The following PCDH11Y variants were observed in gnomAD, a reference collection of about 807,000 sequenced individuals.
PCDH11Y encodes protocadherin-11 Y-linked.
For missense variants in PCDH11Y, 12 were observed against 224.8 expected, an observed-to-expected ratio of 0.05 and a Z score of 6.05; for synonymous variants, 9 against 83.6, an observed-to-expected ratio of 0.11 and a Z score of 4.87.
intron 3 of PCDH11Y, among the ~76,000 whole-genome samples, chrY:5,046,224 T>G: frequency 3.0e-5 from 1 of 33,847 alleles, no homozygotes; most frequent in African/African-American, 1.1e-4. Flanking sequence ...TGTTCTGTTT[T>G]TTCCCCATCT....
At chrY:5,486,098 A>G in intron 2 of PCDH11Y, among the ~76,000 whole-genome samples, 1 of 31,774 alleles carries the variant, frequency 3.1e-5, no homozygotes, top group Admixed American at 3.0e-4. Flanking sequence ...CTCCTAACAA[A>G]TGAATATTAG....
At chrY:5,287,912 TA>T (rs377570762) in intron 2 of PCDH11Y, among the ~76,000 whole-genome samples, 21 of 22,632 alleles carry the variant, frequency 9.3e-4, no homozygotes, top group Admixed American at 1.2e-3. Flanking sequence ...CTTAAAGTGT[TA>T]AAAAAAAAAA....
Position 5,132,789 on chromosome Y carries a change from C to T in PCDH11Y, c.3129+32082C>T. Among the ~76,000 whole-genome samples, 10 of 33,118 alleles carry T rather than the reference C, an allele frequency of 3.0e-4. No individual in the cohort carries two copies. In the South Asian group the frequency reaches 6.8e-3, roughly 23 times the overall value. 88.9% of individuals were successfully genotyped at this position (33,118 alleles called of 37,273 possible). ...AGATTTTTATATCAGATCACATTTT[C>T]CAACATGATTGTCTAGTTGGTAAAG... On this transcript the variant is annotated intron_variant, in intron 2 of 4. Transcript: ENST00000400457.
downstream of PCDH11Y, among the ~76,000 whole-genome samples, chrY:5,107,972 T>A: frequency 7.2e-5 from 2 of 27,872 alleles, no homozygotes; most frequent in African/African-American, 1.4e-4. Flanking sequence ...GGCAGGAGAA[T>A]GGCGTGAACC....
At chrY:5,629,231 A>G (rs2053510303) in intron 4 of PCDH11Y, among the ~76,000 whole-genome samples, 1 of 34,442 alleles carries the variant, frequency 2.9e-5, no homozygotes, top group African/African-American at 1.1e-4. Context: ...TATAATGGTC[A>G]GGCTTGTGTG....
intron 2 of PCDH11Y, among the ~76,000 whole-genome samples, chrY:5,375,486 T>C (rs2124673830): frequency 3.2e-5 from 1 of 31,017 alleles, no homozygotes; most frequent in Admixed American, 3.0e-4. Flanking sequence ...TGAACACTTT[T>C]GATTCCTGTA....
chrY:5,708,131 C>G, intron 4 of PCDH11Y, among the ~76,000 whole-genome samples: 1 of 33,038 alleles, frequency 3.0e-5, no homozygotes, highest in Non-Finnish European at 7.5e-5. Flanking sequence ...CCCTTCTACC[C>G]TAGAAAAGTA....
chrY:5,627,376 GA>G (rs2053508076), intron 4 of PCDH11Y, among the ~76,000 whole-genome samples: 1 of 29,458 alleles, frequency 3.4e-5, no homozygotes, highest in African/African-American at 1.4e-4. Context: ...CTGCAGTTAA[GA>G]TAGTAACTCT....
chrY:5,214,036 C>T (rs1602887404), intron 2 of PCDH11Y, among the ~76,000 whole-genome samples: 2 of 32,372 alleles, frequency 6.2e-5, no homozygotes, highest in Admixed American at 5.7e-4. Context: ...AGGAGAATGG[C>T]GTGAACCCAG....
intron 2 of PCDH11Y, among the ~76,000 whole-genome samples, chrY:5,248,223 T>A: frequency 4.1e-5 from 1 of 24,331 alleles, no homozygotes; most frequent in Non-Finnish European, 9.4e-5. Context: ...CCTAACTCAT[T>A]TTATGAGGCC....
chrY:5,103,022 G>T (rs2052782089), downstream of PCDH11Y, among the ~76,000 whole-genome samples: 1 of 33,193 alleles, frequency 3.0e-5, no homozygotes, highest in Non-Finnish European at 7.5e-5. Context: ...TACATTTTGT[G>T]CTACATTTGC....
At chrY:5,047,574 G>T in intron 3 of PCDH11Y, among the ~76,000 whole-genome samples, 4 of 33,452 alleles carry the variant, frequency 1.2e-4, no homozygotes, top group Admixed American at 2.7e-4. Flanking sequence ...GAGTTAAAAT[G>T]TATTAAGACA....
chrY:5,657,834 A>T (rs1404746510), intron 4 of PCDH11Y, among the ~76,000 whole-genome samples: 6 of 34,058 alleles, frequency 1.8e-4, no homozygotes, highest in Non-Finnish European at 4.4e-4. Flanking sequence ...ACAACATAGC[A>T]AAGATTGCAT....
chrY:5,735,971 T>A (rs2124715733), intron 4 of PCDH11Y, among the ~76,000 whole-genome samples: 1 of 32,854 alleles, frequency 3.0e-5, no homozygotes, highest in Admixed American at 2.8e-4. Flanking sequence ...GTTACATGTA[T>A]ACCTAAATGT....
intron 1 of PCDH11Y, among the ~76,000 whole-genome samples, chrY:5,078,944 T>C (rs2052714484): frequency 9.0e-5 from 3 of 33,410 alleles, no homozygotes; most frequent in Admixed American, 2.7e-4. Context: ...CTTCCACCTA[T>C]GAGCCTATAA....
intron 2 of PCDH11Y, among the ~76,000 whole-genome samples, chrY:5,182,070 A>C (rs2124647059): frequency 9.1e-5 from 3 of 33,057 alleles, no homozygotes; most frequent in East Asian, 1.7e-3. Flanking sequence ...CCTACCTTCA[A>C]TCTTTTAGGT....
chrY:5,207,930 G>T, intron 2 of PCDH11Y: 1 of 381,741 alleles, frequency 2.6e-6, no homozygotes, highest in South Asian at 3.0e-5. Context: ...CTCAGTGTTG[G>T]CTGAGCCTGA....
At chrY:5,065,712 T>C in intron 1 of PCDH11Y, among the ~76,000 whole-genome samples, 3 of 32,152 alleles carry the variant, frequency 9.3e-5, no homozygotes, top group African/African-American at 3.7e-4. Flanking sequence ...TTTGTTTTGT[T>C]TTGTTTTGTT....
chrY:5,075,742 T>C, intron 1 of PCDH11Y, among the ~76,000 whole-genome samples: 2 of 33,791 alleles, frequency 5.9e-5, no homozygotes, highest in African/African-American at 2.3e-4. Flanking sequence ...AATGACAGGA[T>C]CTCATTCTCT....
Sources: gnomAD v4.1 joint callset for allele counts (sites outside exome capture counted in the v4.1 genomes callset) on GRCh38, gnomAD v4.1.1 for gene constraint, MANE v1.5 for transcripts, NCBI Gene and HGNC (gene_info 2026-07-23, HGNC 2026-07-21) for gene names.